The following UNC13C variants were observed in gnomAD, a reference collection of about 807,000 sequenced individuals.
UNC13C encodes unc-13 homolog C.
In UNC13C, 174 loss-of-function variants were observed where a neutral mutation model predicts 245.4. The ratio of observed to expected loss-of-function variants is 0.71; its 90% CI spans 0.63 to 0.80. The LOEUF (loss-of-function observed/expected upper bound fraction) is 0.80, where lower values mean the gene tolerates loss of function less well. Ranked by LOEUF, UNC13C falls within the 30% of genes least tolerant of loss-of-function variation. UNC13C has a pLI of 0.00. For synonymous variants in UNC13C, 992 were observed against 895.1 expected (o/e 1.11, Z -1.93); for missense variants, 2,829 against 2,602.9 (o/e 1.09, Z -1.89).
intron 8 of UNC13C, among the ~76,000 whole-genome samples, chr15:54,260,065 C>T (rs999357673): frequency 6.6e-6 from 1 of 151,984 alleles, no homozygotes; most frequent in African/African-American, 2.4e-5. Context: ...AGAAGTATTT[C>T]CTCTATTTAT....
chr15:53,852,228 A>C, the UNC13C span, among the ~76,000 whole-genome samples: 136 of 152,132 alleles, frequency 8.9e-4, 1 homozygote, highest in African/African-American at 3.2e-3. Context: ...TGTGGGGTAA[A>C]CCCCCACACA....
rs563639875 is a variant in UNC13C, at chr15:54,274,589, G to A, written c.3818+9093G>A. Among the ~76,000 whole-genome samples, 22 of 151,104 alleles carry A rather than the reference G, an allele frequency of 1.5e-4. No homozygotes were observed. The South Asian group carries it at 1.5e-3, about 10-fold the overall frequency. ...TTATCACATAAATATCCACTTAAAG[G>A]TGTGTACTATAAACTCTAAAGCAAC... On this transcript the variant is annotated intron_variant, in intron 10 of 32. Transcript: ENST00000260323.
intron 2 of UNC13C, among the ~76,000 whole-genome samples, chr15:54,104,010 T>C (rs1209487258): frequency 6.6e-6 from 1 of 152,226 alleles, no homozygotes; most frequent in African/African-American, 2.4e-5. Context: ...CCCAAAGTGC[T>C]GGGATTACAG....
At chr15:54,274,503 G>C (rs902751023) in intron 10 of UNC13C, among the ~76,000 whole-genome samples, 16 of 151,830 alleles carry the variant, frequency 1.1e-4, no homozygotes, top group Non-Finnish European at 2.1e-4. Context: ...ATAGATTTTT[G>C]CTAAATAATC....
chr15:54,207,946 A>G (rs1307630051), intron 4 of UNC13C, among the ~76,000 whole-genome samples: 1 of 152,136 alleles, frequency 6.6e-6, no homozygotes, highest in Non-Finnish European at 1.5e-5. Flanking sequence ...GCTTTGTCTC[A>G]GGCTATTTTT....
chr15:54,332,030 T>A lies in UNC13C; in HGVS notation c.4426-13T>A. ...TTATTTCCATTCTCCTATTTTGTGT[T>A]TGCTTTGTACAGAGGGAAAAATTCA... On this transcript the variant is annotated splice_polypyrimidine_tract_variant and intron_variant, in intron 14 of 32. Transcript: ENST00000260323. 6 of 1,551,242 alleles carry A rather than the reference T, an allele frequency of 3.9e-6. No homozygotes were observed. The highest frequency in any genetic ancestry group is 5.2e-6 in the Non-Finnish European group (6 of 1,147,018).
chr15:54,624,066 T>G (rs1438647846), intron 32 of UNC13C, 112 bp downstream of exon 32: 3 of 1,317,160 alleles, frequency 2.3e-6, no homozygotes, highest in Non-Finnish European at 3.2e-6. Flanking sequence ...AGGCTCTGTT[T>G]TTAGTTCCCT....
At chr15:53,909,549 C>T in the UNC13C span, among the ~76,000 whole-genome samples, 1 of 145,888 alleles carries the variant, frequency 6.9e-6, no homozygotes, top group African/African-American at 2.4e-5. Context: ...GTCAGGAGAT[C>T]GAGAGCATCC....
At chr15:53,938,646 C>A in the UNC13C span, among the ~76,000 whole-genome samples, 8 of 152,216 alleles carry the variant, frequency 5.3e-5, no homozygotes, top group African/African-American at 1.9e-4. Flanking sequence ...GAACTGAAAT[C>A]ATAACAATCC....
intron 2 of UNC13C, among the ~76,000 whole-genome samples, chr15:54,019,501 ACTGT>A (rs1895802672): frequency 6.6e-6 from 1 of 152,208 alleles, no homozygotes; most frequent in Non-Finnish European, 1.5e-5. Context: ...TGCAATAAAT[ACTGT>A]ACTATAACAG....
upstream of UNC13C, among the ~76,000 whole-genome samples, chr15:53,977,896 A>C (rs1364597201): frequency 2.6e-5 from 4 of 152,220 alleles, no homozygotes; most frequent in African/African-American, 9.6e-5. Flanking sequence ...ACTTTGATTT[A>C]TGCATGTGTC....
At chr15:53,992,833 T>C (rs559944902) in intron 1 of UNC13C, among the ~76,000 whole-genome samples, 2 of 152,236 alleles carry the variant, frequency 1.3e-5, no homozygotes, top group South Asian at 4.1e-4. Flanking sequence ...GTTGTCTTTC[T>C]GTACTGCATC....
chr15:54,176,651 C>G (rs932737516), intron 4 of UNC13C, among the ~76,000 whole-genome samples: 3 of 151,818 alleles, frequency 2.0e-5, no homozygotes, highest in Admixed American at 6.6e-5. Context: ...CATAATTGAG[C>G]CAATAGACTC....
intron 24 of UNC13C, among the ~76,000 whole-genome samples, chr15:54,516,624 T>C (rs1273479164): frequency 6.6e-6 from 1 of 151,716 alleles, no homozygotes; most frequent in Non-Finnish European, 1.5e-5. Context: ...CATGGCAAAA[T>C]CCTGTTTCTA....
chr15:54,260,190 A>G (rs773701280), intron 8 of UNC13C, among the ~76,000 whole-genome samples: 4 of 152,188 alleles, frequency 2.6e-5, no homozygotes, highest in Non-Finnish European at 5.9e-5. Flanking sequence ...AGCTATGTCA[A>G]TGGTGATTGT....
chr15:53,953,989 G>A, the UNC13C span, among the ~76,000 whole-genome samples: 3,137 of 152,266 alleles, frequency 0.021, 138 homozygotes, highest in African/African-American at 0.072. Context: ...GCAGGGCTCC[G>A]AGCTTCATAG....
the UNC13C span, among the ~76,000 whole-genome samples, chr15:53,872,410 A>G: frequency 3.9e-5 from 6 of 152,102 alleles, no homozygotes; most frequent in African/African-American, 1.4e-4. Context: ...AATGGTAGTC[A>G]TAATCTAGGT....
intron 31 of UNC13C, 77 bp downstream of exon 31, chr15:54,622,496 T>C: frequency 8.8e-7 from 1 of 1,142,856 alleles, no homozygotes; most frequent in Non-Finnish European, 1.3e-6. Context: ...ATGTAACTTT[T>C]CTTGCATTTA....
the UNC13C span, among the ~76,000 whole-genome samples, chr15:53,893,449 C>T: frequency 6.6e-6 from 1 of 152,186 alleles, no homozygotes; most frequent in Non-Finnish European, 1.5e-5. Flanking sequence ...TGAAGCTGCA[C>T]CCATAGCCAC....
Sources: allele counts gnomAD v4.1 joint callset (sites outside exome capture counted in the v4.1 genomes callset), GRCh38; gene constraint gnomAD v4.1.1; transcripts MANE v1.5; gene names NCBI Gene and HGNC (gene_info 2026-07-23, HGNC 2026-07-21).